The following SYNJ1 variants were observed in gnomAD, a reference collection of about 807,000 sequenced individuals.
SYNJ1 encodes the protein polyphosphatidylinositol phosphatase SYNJ1.
A neutral mutation model predicts 168.2 loss-of-function variants in SYNJ1; 78 were observed. The observed-to-expected ratio is 0.46, with a 90% CI of 0.39 to 0.56. SYNJ1 has a LOEUF of 0.56. Ranked by LOEUF, SYNJ1 falls within the 20% of genes least tolerant of loss-of-function variation. SYNJ1 has a pLI of 0.00. For synonymous variants in SYNJ1, 539 were observed against 548.6 expected, an observed-to-expected ratio of 0.98 and a Z score of 0.24; for missense variants, 1,303 against 1,597.6, an observed-to-expected ratio of 0.82 and a Z score of 3.14.
chr21:32,686,427 CA>C (rs1376569024), intron 8 of SYNJ1, among the ~76,000 whole-genome samples: 1 of 152,086 alleles, frequency 6.6e-6, no homozygotes, highest in Non-Finnish European at 1.5e-5. Flanking sequence ...TCTTATGTAA[CA>C]ACATAATTTA....
At chr21:32,727,880 G>A in intron 1 of SYNJ1, 66 bp downstream of exon 1, 1 of 1,525,262 alleles carries the variant, frequency 6.6e-7, no homozygotes, top group Non-Finnish European at 8.8e-7. Context: ...TCTTGGAGGC[G>A]TCCGCCCGCC....
rs115690387 is a variant in SYNJ1, at chr21:32,727,073, G to T, written c.-22-156C>A. 509 of 965,396 alleles carry T rather than the reference G, an allele frequency of 5.3e-4. 4 individuals are homozygous for T. In the African/African-American group the frequency reaches 7.5e-3, roughly 14 times the overall value. The allele number at this position is 965,396 out of a possible 1,614,324, so 59.8% of individuals were successfully genotyped here. A position where few individuals can be genotyped will look rare whatever the true frequency, so the allele number is the denominator to read the frequency against. On this transcript the variant is annotated intron_variant, in intron 1 of 32. Transcript: ENST00000674351. Reference sequence around the variant, plus strand: ...TGGGAGAAAATGGCTTTTTCCAAAAGATAAGTCGTCACTTAATTTTACCAA... The same window carrying T: ...TGGGAGAAAATGGCTTTTTCCAAAATATAAGTCGTCACTTAATTTTACCAA...
At chr21:32,725,740 C>G (rs895258651) in intron 2 of SYNJ1, among the ~76,000 whole-genome samples, 8 of 152,244 alleles carry the variant, frequency 5.3e-5, no homozygotes, top group Admixed American at 2.6e-4. Flanking sequence ...CTTTCAAACA[C>G]TATTTTTAAT....
At chr21:32,713,538 A>G (rs573290987) in intron 2 of SYNJ1, among the ~76,000 whole-genome samples, 1 of 142,144 alleles carries the variant, frequency 7.0e-6, no homozygotes, top group Admixed American at 7.0e-5. Context: ...GATTTCCCAT[A>G]TATCAACATA....
At chr21:32,728,390 G>A (rs926127064), upstream of SYNJ1, 1 of 237,038 alleles carries the variant, frequency 4.2e-6, no homozygotes, top group Non-Finnish European at 8.3e-6. Flanking sequence ...GGCCTGACGG[G>A]AGAGGAGGAA....
At chr21:32,720,922 A>T in intron 2 of SYNJ1, among the ~76,000 whole-genome samples, 1 of 152,220 alleles carries the variant, frequency 6.6e-6, no homozygotes, top group East Asian at 1.9e-4. Context: ...GCTGTAAAAT[A>T]TTGAGATTGT....
Position 32,665,006 on chromosome 21 carries a change from G to A in SYNJ1, c.2211C>T (p.Leu737=), listed in dbSNP as rs1447064747. 1 of 1,613,598 alleles carries A rather than the reference G, an allele frequency of 6.2e-7. No homozygotes were observed. Among genetic ancestry groups the A allele is most frequent in the African/African-American group, 1.3e-5 (1 of 75,048 alleles). The change falls in exon 18 of 33, where the codon CTC becomes CTT. Residue 737 remains leucine, a synonymous_variant. Coordinates refer to ENST00000674351, the MANE Select transcript of SYNJ1 (RefSeq NM_203446.3). ...WCGDFNYRID[L]PNEEVKELIR... The stretch of plus-strand genomic sequence containing the variant: ...TGAGCTCTTTAACTTCTTCGTTAGG[G>A]AGATCGATTCGATAGTTGAAATCAC...
intron 26 of SYNJ1, among the ~76,000 whole-genome samples, chr21:32,644,138 GA>G (rs2039964961): frequency 6.6e-6 from 1 of 151,466 alleles, no homozygotes; most frequent in African/African-American, 2.4e-5. Context: ...GCAGGAGCTT[GA>G]AAAGGGAAAA....
At chr21:32,694,109 C>A (rs960574653) in intron 6 of SYNJ1, 119 bp downstream of exon 6, 18 of 656,862 alleles carry the variant, frequency 2.7e-5, no homozygotes, top group Admixed American at 1.7e-4. Context: ...GCAAATCCAG[C>A]TAACATTATT....
chr21:32,678,434 C>A (rs1333221802), intron 12 of SYNJ1, among the ~76,000 whole-genome samples: 1 of 152,088 alleles, frequency 6.6e-6, no homozygotes, highest in Non-Finnish European at 1.5e-5. Flanking sequence ...CATGCAAGGG[C>A]CTCAGTTTAC....
intron 2 of SYNJ1, among the ~76,000 whole-genome samples, chr21:32,706,333 G>C (rs1414693293): frequency 1.3e-5 from 2 of 152,160 alleles, no homozygotes; most frequent in Non-Finnish European, 2.9e-5. Context: ...AAATTGAAGA[G>C]AGGATAAGGA....
chr21:32,687,418 C>A (rs1253135669), intron 7 of SYNJ1, among the ~76,000 whole-genome samples: 1 of 152,184 alleles, frequency 6.6e-6, no homozygotes, highest in African/African-American at 2.4e-5. Context: ...CTGCTGCTCA[C>A]ATGTGAGGAC....
At chr21:32,662,519 GAAGT>G (rs2040754839) in intron 18 of SYNJ1, among the ~76,000 whole-genome samples, 1 of 152,110 alleles carries the variant, frequency 6.6e-6, no homozygotes, top group Non-Finnish European at 1.5e-5. Flanking sequence ...CACAGTTTTT[GAAGT>G]AAGATTAAGG....
chr21:32,642,046 T>C (rs1157673387), intron 28 of SYNJ1, 49 bp downstream of exon 28: 5 of 1,613,424 alleles, frequency 3.1e-6, no homozygotes, highest in Non-Finnish European at 4.2e-6. Flanking sequence ...CAAGTGTCTA[T>C]TTCACGGTCC....
chr21:32,661,546 G>A (rs567481851), intron 18 of SYNJ1, among the ~76,000 whole-genome samples: 44 of 152,196 alleles, frequency 2.9e-4, no homozygotes, highest in African/African-American at 8.9e-4. Flanking sequence ...CTCACATAAC[G>A]GGCCGGTGTT....
At chr21:32,663,901 C>T (rs1356137371) in intron 18 of SYNJ1, among the ~76,000 whole-genome samples, 1 of 152,100 alleles carries the variant, frequency 6.6e-6, no homozygotes, top group Non-Finnish European at 1.5e-5. Context: ...AGGTGGGGGT[C>T]TGTGGGAAAT....
At chr21:32,647,652 TG>T (rs1258115982) in intron 23 of SYNJ1, among the ~76,000 whole-genome samples, 1 of 152,234 alleles carries the variant, frequency 6.6e-6, no homozygotes, top group Non-Finnish European at 1.5e-5. Context: ...TCAGATTCTA[TG>T]GTTCTTCATC....
intron 31 of SYNJ1, 123 bp downstream of exon 31, chr21:32,638,785 A>G: frequency 1.1e-6 from 1 of 928,136 alleles, no homozygotes. Flanking sequence ...AACAAATATA[A>G]AAAGAAAATT....
intron 4 of SYNJ1, among the ~76,000 whole-genome samples, chr21:32,697,691 C>G (rs1432430869): frequency 6.6e-6 from 1 of 152,148 alleles, no homozygotes; most frequent in African/African-American, 2.4e-5. Context: ...GTCCCAGCTA[C>G]CCAGGAGGCT....
Sources: allele counts gnomAD v4.1 joint callset (sites outside exome capture counted in the v4.1 genomes callset), GRCh38; gene constraint gnomAD v4.1.1; transcripts MANE v1.5; gene names NCBI Gene and HGNC (gene_info 2026-07-23, HGNC 2026-07-21).